Variants in ADCY6 observed in about 807,000 individuals in gnomAD.
ADCY6 encodes adenylate cyclase type 6.
A neutral mutation model predicts 111.6 loss-of-function variants in ADCY6; 59 were observed. That is an observed-to-expected ratio of 0.53 (90% CI 0.43 to 0.66). ADCY6 has a LOEUF of 0.66. ADCY6 is among the 30% of genes least tolerant of loss of function. The pLI is 0.00. For missense variants in ADCY6, 1,242 were observed against 1,595.6 expected, an observed-to-expected ratio of 0.78 and a Z score of 3.78; for synonymous variants, 576 against 642.9, an observed-to-expected ratio of 0.90 and a Z score of 1.57.
rs1280721430 is a variant in ADCY6, at chr12:48,782,388, T to G, written c.864+183A>C. Among the ~76,000 whole-genome samples, 4 of 152,094 alleles carry G rather than the reference T, an allele frequency of 2.6e-5. No homozygotes were observed. The highest frequency in any genetic ancestry group is 5.9e-5 in the Non-Finnish European group (4 of 68,008). ...AGTGTCCTCTACCCCAGATCCCACA[T>G]GGAGGCAGACCCCTCAACCCTAGCC... On this transcript the variant is annotated intron_variant, in intron 2 of 21. Coordinates refer to ENST00000357869, the MANE Select transcript of ADCY6 (RefSeq NM_015270.5). The surrounding 1 kb of genome is among the most constrained non-coding windows in gnomAD (Gnocchi z 4.3).
chr12:48,777,111 C>G lies in ADCY6; in HGVS notation c.1369G>C (p.Ala457Pro). Reference protein sequence around the residue: ...CVEMGVDMIEAISLVREVTGV... With the variant: ...CVEMGVDMIEPISLVREVTGV... ...GAATGGGGCACTGCTTACGAGATGG[C>G]CTCAATCATGTCTACCCCCATCTCC... Residue 457 changes from alanine to proline, a missense_variant, in exon 6 of 22, where the codon GCC becomes CCC. Physicochemically the swap from Ala to Pro is conservative, Grantham distance 27. Coordinates refer to ENST00000357869, the MANE Select transcript of ADCY6 (RefSeq NM_015270.5). The surrounding 1 kb of genome is among the most constrained non-coding windows in gnomAD (Gnocchi z 4.9). 3.1e-6 allele frequency: 5 copies of G among 1,603,964 alleles called. No individual in the cohort carries two copies. Among genetic ancestry groups the G allele is most frequent in the Non-Finnish European group, 4.3e-6 (5 of 1,175,038 alleles).
In ADCY6 at chr12:48,782,509, T is replaced by C; in HGVS notation, c.864+62A>G. On this transcript the variant is annotated intron_variant, in intron 2 of 21. Transcript: ENST00000357869. This position sits in a 1 kb window ranked among gnomAD's most constrained non-coding sequence, Gnocchi z 4.3. Reference sequence around the variant, plus strand: ...CGCCCTTCCTCACTAAGCCCCCACCTGCTTATGAGGTGAGAAATTCCCCAC... The same window carrying C: ...CGCCCTTCCTCACTAAGCCCCCACCCGCTTATGAGGTGAGAAATTCCCCAC... 1 of 1,541,292 alleles carries C rather than the reference T, an allele frequency of 6.5e-7. No individual in the cohort carries two copies. Among genetic ancestry groups the C allele is most frequent in the Non-Finnish European group, 8.7e-7 (1 of 1,143,114 alleles).
rs772566222 is a variant in ADCY6, at chr12:48,770,981, C to T, written c.3052-11G>A. ...CTCCTCGCTGATAATCTGAACAACA[C>T]AAGGAGACCTGGCTGTCAAGGCAAA... On this transcript the variant is annotated splice_polypyrimidine_tract_variant and intron_variant, in intron 19 of 21. Transcript: ENST00000357869. The T allele has an allele frequency of 3.8e-5, 62 of 1,611,102 alleles. No individual in the cohort carries two copies. In the Admixed American group the frequency reaches 9.7e-4, roughly 25 times the overall value.
At chr12:48,769,778 G>C (rs1220620789) in intron 20 of ADCY6, among the ~76,000 whole-genome samples, 2 of 144,878 alleles carry the variant, frequency 1.4e-5, no homozygotes, top group Admixed American at 6.9e-5. Flanking sequence ...TTTTTTTTGG[G>C]GGGGACAGAG....
At chr12:48,774,194 GTACC>G in intron 14 of ADCY6, 96 bp from the exon 15 acceptor site, 2 of 1,257,474 alleles carry the variant, frequency 1.6e-6, no homozygotes, top group Non-Finnish European at 2.2e-6. Context: ...CTATGCCCAG[GTACC>G]TTATACCCCA....
Position 48,777,934 on chromosome 12 carries a change from C to T in ADCY6, c.1014+174G>A, listed in dbSNP as rs1159505530. 2.6e-5 allele frequency among the ~76,000 whole-genome samples: 4 copies of T among 152,184 alleles called. No individual in the cohort carries two copies. The highest frequency in any genetic ancestry group is 7.2e-5 in the African/African-American group (3 of 41,438). The stretch of plus-strand genomic sequence containing the variant: ...GAGCCCCCAGATGTGCTCCTGTCTA[C>T]GCCCTCCTTCCCTTGGACAGGACAA... On this transcript the variant is annotated intron_variant, in intron 3 of 21. Coordinates refer to ENST00000357869, the MANE Select transcript of ADCY6 (RefSeq NM_015270.5). The surrounding 1 kb of genome is among the most constrained non-coding windows in gnomAD (Gnocchi z 4.9).
In ADCY6 at chr12:48,771,237, T is replaced by G; in HGVS notation, c.3052-267A>C. ...ACCCACAAGTGCAATATTAAGCAAT[T>G]TCTCCAATCCTTACCTTTTGGGATA... On this transcript the variant is annotated intron_variant, in intron 19 of 21. Coordinates refer to ENST00000357869, the MANE Select transcript of ADCY6 (RefSeq NM_015270.5). The surrounding 1 kb of genome is among the most constrained non-coding windows in gnomAD (Gnocchi z 4.3). 1 of 536,896 alleles carries G rather than the reference T, an allele frequency of 1.9e-6. No homozygotes were observed. Among genetic ancestry groups the G allele is most frequent in the Non-Finnish European group, 3.4e-6 (1 of 298,092 alleles). The allele number at this position is 536,896 out of a possible 1,614,324, so 33.3% of individuals were successfully genotyped here.
Position 48,770,948 on chromosome 12 carries a change from C to T in ADCY6, c.3074G>A (p.Arg1025Gln), listed in dbSNP as rs140245629. ...FDEIISEERF[R>Q]QLEKIKTIGS... Reference sequence around the variant, plus strand: ...AATCGTCTTGATCTTTTCCAGCTGCCGGAACCGCTCCTCGCTGATAATCTG... The same window carrying T: ...AATCGTCTTGATCTTTTCCAGCTGCTGGAACCGCTCCTCGCTGATAATCTG... Residue 1025 changes from arginine (R) to glutamine (Q), a missense_variant, in exon 20 of 22, where the codon CGG (arginine) becomes CAG (glutamine). Physicochemically the swap from Arg to Gln is conservative, Grantham distance 43. Around this residue, in one of 4 missense-constraint regions of ADCY6, gnomAD observed 245 missense variants for 371.3 expected, o/e 0.66. Transcript: ENST00000357869. 24 of 1,613,992 alleles carry T rather than the reference C, an allele frequency of 1.5e-5. No homozygotes were observed. Among genetic ancestry groups the T allele is most frequent in the South Asian group, 1.4e-4 (13 of 91,086 alleles).
chr12:48,776,601 C>T lies in ADCY6; in HGVS notation c.1377-15G>A. The T allele has an allele frequency of 6.3e-7, 1 of 1,597,510 alleles. No individual in the cohort carries two copies. Among genetic ancestry groups the T allele is most frequent in the South Asian group, 1.1e-5 (1 of 89,632 alleles). ...CACGTACCAGCCTGGGAGGATGCAG[C>T]CCCAGATCAGCTCCTGGCAGTCTTC... On this transcript the variant is annotated splice_polypyrimidine_tract_variant and intron_variant, in intron 6 of 21. Coordinates refer to ENST00000357869, the MANE Select transcript of ADCY6 (RefSeq NM_015270.5). This position sits in a 1 kb window ranked among gnomAD's most constrained non-coding sequence, Gnocchi z 6.1.
At chr12:48,785,827 T>G (rs1592166873) in intron 1 of ADCY6, among the ~76,000 whole-genome samples, 1 of 152,060 alleles carries the variant, frequency 6.6e-6, no homozygotes, top group African/African-American at 2.4e-5. Flanking sequence ...AAAATATATA[T>G]AAACAAAAAC....
rs1240832998 is a variant in ADCY6, at chr12:48,789,052, C to T, written c.-151G>A. ...TCCGCCGTCCGCCGTCCGCCCGGCC[C>T]TCGCCCCCTCCCGAGCTGTCCAGCG... On this transcript the variant is annotated 5_prime_UTR_variant, in exon 1 of 22. Coordinates refer to ENST00000357869, the MANE Select transcript of ADCY6 (RefSeq NM_015270.5). The T allele has an allele frequency of 6.6e-6, 1 of 150,752 alleles. No individual in the cohort carries two copies. Among genetic ancestry groups the T allele is most frequent in the Non-Finnish European group, 1.5e-5 (1 of 67,526 alleles). The allele number at this position is 150,752 out of a possible 1,614,324, so 9.3% of individuals were successfully genotyped here.
Position 48,766,513 on chromosome 12 carries a change from C to G in ADCY6, c.*2078G>C, listed in dbSNP as rs1207537773. 1 of 152,688 alleles carries G rather than the reference C, an allele frequency of 6.5e-6. No individual in the cohort carries two copies. Among genetic ancestry groups the G allele is most frequent in the Non-Finnish European group, 1.5e-5 (1 of 68,076 alleles). 9.5% of individuals were successfully genotyped at this position (152,688 alleles called of 1,614,324 possible). On this transcript the variant is annotated 3_prime_UTR_variant, in exon 22 of 22. Transcript: ENST00000357869. Reference sequence around the variant, plus strand: ...TACCCTCACCCCTACCCCATGGCACCAAGTAGTCTCTTCCTATCCCTTCCT... The same window carrying G: ...TACCCTCACCCCTACCCCATGGCACGAAGTAGTCTCTTCCTATCCCTTCCT...
chr12:48,770,298 CAAAT>C (rs1045000359), intron 20 of ADCY6, among the ~76,000 whole-genome samples: 2 of 152,036 alleles, frequency 1.3e-5, no homozygotes, highest in Non-Finnish European at 2.9e-5. Context: ...GAAGACTTCT[CAAAT>C]AAGCCAGTAA....
intron 2 of ADCY6, among the ~76,000 whole-genome samples, chr12:48,780,379 G>C (rs1330837256): frequency 6.6e-6 from 1 of 152,176 alleles, no homozygotes; most frequent in Non-Finnish European, 1.5e-5. Context: ...AAGTAGACGA[G>C]GAAGGAGGCC....
chr12:48,774,083 T>C lies in ADCY6; in HGVS notation c.2299A>G (p.Thr767Ala). The C allele has an allele frequency of 6.2e-7, 1 of 1,608,998 alleles. No homozygotes were observed. Among genetic ancestry groups the C allele is most frequent in the Non-Finnish European group, 8.5e-7 (1 of 1,177,524 alleles). ...CGGGCTGCACAGCTCCGTATGGGGG[T>C]GTGGTTACAGGTGAACTGCAAAAGT... Reference protein sequence around the residue: ...AIANMFTCNHTPIRSCAARML... With the variant: ...AIANMFTCNHAPIRSCAARML... The change falls in exon 15 of 22, where the codon ACC becomes GCC. Residue 767 changes from threonine (T) to alanine (A), a missense_variant. This residue lies in a region of ADCY6 where 375 missense variants were observed against 432.5 expected (regional missense o/e 0.87). Coordinates refer to ENST00000357869, the MANE Select transcript of ADCY6 (RefSeq NM_015270.5).
Position 48,768,280 on chromosome 12 carries a change from A to G in ADCY6, c.*311T>C. On this transcript the variant is annotated 3_prime_UTR_variant, in exon 22 of 22. Coordinates refer to ENST00000357869, the MANE Select transcript of ADCY6 (RefSeq NM_015270.5). ...TGGCAAGCTGCCATTTTAATCCCTC[A>G]GGCAAGAGGCCTCCCTCTGCTTCTG... 2 of 435,764 alleles carry G rather than the reference A, an allele frequency of 4.6e-6. No homozygotes were observed. The highest frequency in any genetic ancestry group is 4.6e-5 in the East Asian group (1 of 21,594). 27.0% of individuals were successfully genotyped at this position (435,764 alleles called of 1,614,324 possible).
At chr12:48,780,971 C>T (rs567463247) in intron 2 of ADCY6, among the ~76,000 whole-genome samples, 23 of 152,194 alleles carry the variant, frequency 1.5e-4, no homozygotes, top group African/African-American at 5.1e-4. Context: ...GAGGCCAAGG[C>T]GGGTGGATCA....
chr12:48,782,640 C>A lies in ADCY6; in HGVS notation c.795G>T (p.Leu265=). The A allele has an allele frequency of 6.2e-7, 1 of 1,608,298 alleles. No individual in the cohort carries two copies. The highest frequency in any genetic ancestry group is 1.7e-4 in the Middle Eastern group (1 of 6,058). ...AGATCAAATGCAAGGTGGAGAGGCCCAGGCCGCTGAGGACGGCAGCCCGCA... is the reference window on the plus strand; with the variant it reads ...AGATCAAATGCAAGGTGGAGAGGCCAAGGCCGCTGAGGACGGCAGCCCGCA... ...IRMRAAVLSG[L]GLSTLHLILA... Residue 265 remains leucine (L), a synonymous_variant, in exon 2 of 22, where the codon CTG becomes CTT. Coordinates refer to ENST00000357869, the MANE Select transcript of ADCY6 (RefSeq NM_015270.5). This position sits in a 1 kb window ranked among gnomAD's most constrained non-coding sequence, Gnocchi z 4.3.
rs1476068864 is a variant in ADCY6, at chr12:48,782,902, G to A, written c.533C>T (p.Pro178Leu). ...ACAGGCCAACAGTGCCACATAGGCA[G>A]GCTGAGGGCGGGCGGGTGCGGCGTG... ...AFHAAPARPQ[P>L]AYVALLACAA... is the part of the protein sequence containing the mutation. Residue 178 changes from proline to leucine, a missense_variant, in exon 2 of 22, where the codon CCT (proline) becomes CTT (leucine). Physicochemically the swap from Pro to Leu is moderately conservative, Grantham distance 98. Transcript: ENST00000357869. This position sits in a 1 kb window ranked among gnomAD's most constrained non-coding sequence, Gnocchi z 4.3. The A allele has an allele frequency of 1.4e-5, 22 of 1,613,606 alleles. No homozygotes were observed. The highest frequency in any genetic ancestry group is 1.6e-5 in the Non-Finnish European group (19 of 1,179,954).
Sources: gnomAD v4.1 joint callset for allele counts (sites outside exome capture counted in the v4.1 genomes callset) on GRCh38, gnomAD v4.1.1 for gene constraint, gnomAD v4.1.1 regional missense constraint, Gnocchi (gnomAD v3.1) non-coding constraint, MANE v1.5 for transcripts, NCBI Gene and HGNC (gene_info 2026-07-23, HGNC 2026-07-21) for gene names.